MTIF3: variants seen among roughly 807,000 people sequenced by gnomAD.
MTIF3 encodes the protein mitochondrial translational initiation factor 3.
A neutral mutation model predicts 20.7 loss-of-function variants in MTIF3; 13 were observed. That is an observed-to-expected ratio of 0.63 (90% CI 0.41 to 1.00). The LOEUF (loss-of-function observed/expected upper bound fraction) is 1.00, where lower values mean the gene tolerates loss of function less well. Ranked by LOEUF, MTIF3 falls within the 50% of genes least tolerant of loss-of-function variation. The probability of loss-of-function intolerance (pLI) is 0.00; values close to 1 mark genes in which losing one functional copy is unlikely to be tolerated. For missense variants in MTIF3, 295 were observed against 324.5 expected (o/e 0.91, Z 0.70); for synonymous variants, 114 against 112.5 (o/e 1.01, Z -0.08).
intron 1 of MTIF3, among the ~76,000 whole-genome samples, chr13:27,449,054 A>T (rs1954269234): frequency 6.6e-6 from 1 of 151,938 alleles, no homozygotes; most frequent in Non-Finnish European, 1.5e-5. Flanking sequence ...CTCTCAAAAA[A>T]AATTTTTTTT....
At chr13:27,436,745 ATTTTTTT>A (rs66903644) in intron 4 of MTIF3, among the ~76,000 whole-genome samples, 4 of 90,202 alleles carry the variant, frequency 4.4e-5, no homozygotes, top group African/African-American at 1.9e-4. Context: ...ATTTTCTACA[ATTTTTTT>A]TTTTTTTTTT....
intron 1 of MTIF3, chr13:27,450,259 G>C (rs1285809745): frequency 6.6e-6 from 1 of 152,308 alleles, no homozygotes. Flanking sequence ...AAAGCTCAGT[G>C]GGGCTGGCGG....
intron 2 of MTIF3, among the ~76,000 whole-genome samples, chr13:27,444,779 T>C (rs1382938359): frequency 1.3e-5 from 2 of 152,216 alleles, no homozygotes; most frequent in Non-Finnish European, 2.9e-5. Flanking sequence ...TTTTTAGTAT[T>C]CACAATATTA....
chr13:27,442,371 A>G (rs78914361), intron 2 of MTIF3, among the ~76,000 whole-genome samples: 5,042 of 152,288 alleles, frequency 0.033, 164 homozygotes, highest in East Asian at 0.15. Context: ...CATCACAGTA[A>G]AACCGCATCA....
intron 2 of MTIF3, among the ~76,000 whole-genome samples, chr13:27,441,880 G>C (rs907819295): frequency 6.6e-6 from 1 of 152,172 alleles, no homozygotes; most frequent in Non-Finnish European, 1.5e-5. Context: ...AGCCCACTGG[G>C]CTGTACAACC....
At chr13:27,442,516 G>GCTA (rs1464262302) in intron 2 of MTIF3, among the ~76,000 whole-genome samples, 1 of 152,104 alleles carries the variant, frequency 6.6e-6, no homozygotes, top group Non-Finnish European at 1.5e-5. Context: ...CCCTCCCCTG[G>GCTA]CTAGTATCTC....
Position 27,444,129 on chromosome 13 carries a change from C to T in MTIF3, c.-2+959G>A, listed in dbSNP as rs1954093280. On this transcript the variant is annotated intron_variant, in intron 2 of 4. Transcript: ENST00000381120. ...CCATCCTGGCTAACACAGTGAAACC[C>T]TGTCTCTACTAAAAAATAAAATAAA... Among the ~76,000 whole-genome samples, 4 of 152,030 alleles carry T rather than the reference C, an allele frequency of 2.6e-5. No homozygotes were observed. In the South Asian group the frequency reaches 8.3e-4, roughly 32 times the overall value.
chr13:27,436,970 C>T, intron 4 of MTIF3, 146 bp downstream of exon 4: 1 of 704,690 alleles, frequency 1.4e-6, no homozygotes, highest in Non-Finnish European at 2.3e-6. Context: ...CCAGGTTGGT[C>T]TCAATCTCCT....
In MTIF3 at chr13:27,439,686, G is replaced by C. The variant is rs545822656; in HGVS notation, c.460+303C>G. ...TCAGCTTGCTGCGGCATTGGGAGAA[G>C]GCCACAGGACAGGGGAAAGAGTTCT... On this transcript the variant is annotated intron_variant, in intron 3 of 4. Coordinates refer to ENST00000381120, the MANE Select transcript of MTIF3 (RefSeq NM_152912.5). Among the ~76,000 whole-genome samples, 4 of 152,300 alleles carry C rather than the reference G, an allele frequency of 2.6e-5. No homozygotes were observed. The South Asian group carries it at 8.3e-4, about 32-fold the overall frequency.
chr13:27,437,246 A>G lies in MTIF3; in HGVS notation c.488T>C (p.Leu163Ser). 1 of 1,613,860 alleles carries G rather than the reference A, an allele frequency of 6.2e-7. No individual in the cohort carries two copies. The highest frequency in any genetic ancestry group is 1.3e-5 in the African/African-American group (1 of 75,048). Residue 163 changes from leucine to serine, a missense_variant, in exon 4 of 5, where the codon TTG becomes TCG. Coordinates refer to ENST00000381120, the MANE Select transcript of MTIF3 (RefSeq NM_152912.5). ...TGPTLRKELI[L>S]SSNIGQHDLD... ...ATCATGTTGTCCAATATTTGAAGAC[A>G]AAATCAGTTCCTTTCTCAGGGTTGG... is the stretch of plus-strand genomic sequence containing the variant.
chr13:27,445,569 C>T (rs923981202), intron 1 of MTIF3, among the ~76,000 whole-genome samples: 2 of 152,044 alleles, frequency 1.3e-5, no homozygotes, highest in Non-Finnish European at 2.9e-5. Flanking sequence ...GGGTCACAAA[C>T]AGATTACTTT....
intron 4 of MTIF3, among the ~76,000 whole-genome samples, chr13:27,436,845 G>A (rs1024747314): frequency 1.3e-4 from 18 of 139,732 alleles, no homozygotes; most frequent in Admixed American, 7.0e-4. Context: ...TCCGCCTCCC[G>A]GGTTCACGCC....
chr13:27,445,512 C>T (rs1271867228), intron 1 of MTIF3, among the ~76,000 whole-genome samples: 1 of 151,914 alleles, frequency 6.6e-6, no homozygotes, highest in African/African-American at 2.4e-5. Context: ...TTTCCAACCC[C>T]AACGAAACTA....
intron 1 of MTIF3, among the ~76,000 whole-genome samples, chr13:27,445,812 G>C (rs1954164511): frequency 6.6e-6 from 1 of 152,140 alleles, no homozygotes; most frequent in Non-Finnish European, 1.5e-5. Context: ...ACAAGGGCCA[G>C]ACTCAGAGAA....
chr13:27,436,112 C>G (rs769323878), intron 4 of MTIF3, among the ~76,000 whole-genome samples: 1 of 152,198 alleles, frequency 6.6e-6, no homozygotes, highest in Non-Finnish European at 1.5e-5. Flanking sequence ...AATTTTAAAT[C>G]TCCACTTCGT....
intron 1 of MTIF3, among the ~76,000 whole-genome samples, chr13:27,447,547 T>C (rs1024012852): frequency 2.0e-5 from 3 of 152,230 alleles, no homozygotes; most frequent in Non-Finnish European, 2.9e-5. Context: ...CATAACTTTA[T>C]AGTATGATAT....
At chr13:27,450,290 C>G (rs1954325298) in intron 1 of MTIF3, 1 of 152,300 alleles carries the variant, frequency 6.6e-6, no homozygotes, top group African/African-American at 2.4e-5. Flanking sequence ...TCTAACATCC[C>G]TCGGAAGTTC....
At chr13:27,446,357 T>C (rs917542914) in intron 1 of MTIF3, among the ~76,000 whole-genome samples, 2 of 152,192 alleles carry the variant, frequency 1.3e-5, no homozygotes, top group African/African-American at 4.8e-5. Flanking sequence ...GGCACCCGCC[T>C]GTTAATTTTC....
At chr13:27,438,178 T>C (rs1287096506) in intron 3 of MTIF3, among the ~76,000 whole-genome samples, 3 of 152,084 alleles carry the variant, frequency 2.0e-5, no homozygotes, top group Admixed American at 6.6e-5. Flanking sequence ...CCCTAGAGTA[T>C]GCACCAGGGT....
Sources: gnomAD v4.1 joint callset for allele counts (sites outside exome capture counted in the v4.1 genomes callset) on GRCh38, gnomAD v4.1.1 for gene constraint, MANE v1.5 for transcripts, NCBI Gene and HGNC (gene_info 2026-07-23, HGNC 2026-07-21) for gene names.